Variants in B3GALNT1 observed in about 807,000 individuals in gnomAD.
B3GALNT1 encodes the protein UDP-GalNAc:beta-1,3-N-acetylgalactosaminyltransferase 1.
A neutral mutation model predicts 27.3 loss-of-function variants in B3GALNT1; 17 were observed. That is an observed-to-expected ratio of 0.62 (90% CI 0.43 to 0.94). The LOEUF (loss-of-function observed/expected upper bound fraction) is 0.94, where lower values mean the gene tolerates loss of function less well. Among genes scored for constraint, B3GALNT1 ranks in the 40% least tolerant of loss-of-function variants. The pLI, the probability that B3GALNT1 is intolerant of heterozygous loss-of-function variation, is 0.00. For synonymous variants in B3GALNT1, 141 were observed against 144.0 expected (o/e 0.98, Z 0.15); for missense variants, 347 against 390.0 (o/e 0.89, Z 0.93).
At position 161,086,483 on chromosome 3, in the gene B3GALNT1, A is replaced by C; in HGVS notation, c.272T>G (p.Val91Gly). 1 of 1,614,054 alleles carries C rather than the reference A, an allele frequency of 6.2e-7. No individual in the cohort carries two copies. The highest frequency in any genetic ancestry group is 8.5e-7 in the Non-Finnish European group (1 of 1,180,032). ...VILVTSHPSDVKARQAIRVTW... is the reference protein window; with the variant it reads ...VILVTSHPSDGKARQAIRVTW... Reference sequence around the variant, plus strand: ...AACTCTAATGGCCTGCCTGGCTTTCACATCTGAAGGGTGGGAGGTCACCAG... The same window carrying C: ...AACTCTAATGGCCTGCCTGGCTTTCCCATCTGAAGGGTGGGAGGTCACCAG... Residue 91 changes from valine (V) to glycine (G), a missense_variant, in exon 5 of 5, where the codon GTG (valine) becomes GGG (glycine). Coordinates refer to ENST00000320474, the MANE Select transcript of B3GALNT1 (RefSeq NM_003781.4).
Position 161,085,435 on chromosome 3 carries a change from C to T in B3GALNT1, c.*324G>A, listed in dbSNP as rs1489328068. On this transcript the variant is annotated 3_prime_UTR_variant, in exon 5 of 5. Transcript: ENST00000320474. ...AAAACTCTACATTGTTTTGTTTTTA[C>T]AGCCTAGTGAGCTTATAACTCAGTA... 3.4e-6 allele frequency: 1 copy of T among 291,186 alleles called. No individual in the cohort carries two copies. The allele number at this position is 291,186 out of a possible 1,614,324, so 18.0% of individuals were successfully genotyped here.
At chr3:161,103,331 G>T in intron 3 of B3GALNT1, 96 bp downstream of exon 3, 1 of 410,706 alleles carries the variant, frequency 2.4e-6, no homozygotes, top group Non-Finnish European at 4.2e-6. Flanking sequence ...AAACTTCGTG[G>T]CTGCATCAAC....
chr3:161,091,440 C>A (rs369002758), intron 4 of B3GALNT1, among the ~76,000 whole-genome samples: 1 of 152,074 alleles, frequency 6.6e-6, no homozygotes. Context: ...AGCTTTAAAT[C>A]GCGCACTGTT....
rs1358595911 is a variant in B3GALNT1 at position 161,101,148 on chromosome 3, C to CG, written c.-45dup. 3.1e-6 allele frequency: 4 copies of CG among 1,289,702 alleles called. No individual in the cohort carries two copies. The highest frequency in any genetic ancestry group is 4.0e-6 in the Non-Finnish European group (4 of 988,810). The allele number at this position is 1,289,702 out of a possible 1,614,324, so 79.9% of individuals were successfully genotyped here. On this transcript the variant is annotated 5_prime_UTR_variant, in exon 4 of 5. Transcript: ENST00000320474. Reference sequence around the variant, plus strand: ...GCAGAAGCAGACACACCTTTACACTCGGGGTGAGTAGTCGGAGAGCACCAC... The same window carrying CG: ...GCAGAAGCAGACACACCTTTACACTCGGGGGTGAGTAGTCGGAGAGCACCAC...
rs904947012 is a variant in B3GALNT1 at position 161,086,476 on chromosome 3, G to A, written c.279C>T (p.Ala93=). Residue 93 remains alanine (A), a synonymous_variant, in exon 5 of 5, where the codon GCC becomes GCT. Coordinates refer to ENST00000320474, the MANE Select transcript of B3GALNT1 (RefSeq NM_003781.4). ...LVTSHPSDVK[A]RQAIRVTWGE... The stretch of plus-strand genomic sequence containing the variant: ...CCCAAGTAACTCTAATGGCCTGCCT[G>A]GCTTTCACATCTGAAGGGTGGGAGG... 5 of 1,613,810 alleles carry A rather than the reference G, an allele frequency of 3.1e-6. No homozygotes were observed. Among genetic ancestry groups the A allele is most frequent in the Non-Finnish European group, 8.5e-7 (1 of 1,180,026 alleles).
intron 1 of B3GALNT1, chr3:161,104,633 C>T (rs554107732): frequency 4.3e-6 from 1 of 230,758 alleles, no homozygotes. Flanking sequence ...TAGCCCTAGC[C>T]CCGTGGGATT....
At chr3:161,088,128 T>C (rs896686347) in intron 4 of B3GALNT1, among the ~76,000 whole-genome samples, 4 of 152,146 alleles carry the variant, frequency 2.6e-5, no homozygotes, top group Non-Finnish European at 1.5e-5. Context: ...GGGTCAACTT[T>C]AGGGTCTCTG....
Position 161,101,220 on chromosome 3 carries a change from G to A in B3GALNT1, c.-116C>T. On this transcript the variant is annotated 5_prime_UTR_variant, in exon 4 of 5. Transcript: ENST00000320474. ...AGAGCCAACAGGTCAACCGGGTCCA[G>A]GGAGCTAAGAAAACTGGAGCAGAGC... The A allele has an allele frequency of 1.6e-6, 2 of 1,289,898 alleles. No homozygotes were observed. Among genetic ancestry groups the A allele is most frequent in the Non-Finnish European group, 2.0e-6 (2 of 988,866 alleles). The allele number at this position is 1,289,898 out of a possible 1,614,324, so 79.9% of individuals were successfully genotyped here.
chr3:161,095,092 A>C (rs1727419604), intron 4 of B3GALNT1, among the ~76,000 whole-genome samples: 1 of 152,086 alleles, frequency 6.6e-6, no homozygotes, highest in South Asian at 2.1e-4. Flanking sequence ...GCAGCCTCCC[A>C]AAGTGCTGGC....
In B3GALNT1 at chr3:161,085,996, G is replaced by A. The variant is rs199652282; in HGVS notation, c.759C>T (p.Ile253=). Residue 253 remains isoleucine, a synonymous_variant, in exon 5 of 5, where the codon ATC becomes ATT. Coordinates refer to ENST00000320474, the MANE Select transcript of B3GALNT1 (RefSeq NM_003781.4). ...GTTTTACGTGACCCATCATTTCATA[G>A]ATCCTTGGCACCAAATCTCTGGACA... ...YIMSRDLVPR[I]YEMMGHVKPI... The A allele has an allele frequency of 2.1e-5, 33 of 1,586,250 alleles. No homozygotes were observed. The Middle Eastern group carries it at 3.1e-3, about 147-fold the overall frequency.
chr3:161,090,768 A>C (rs1015353275), intron 4 of B3GALNT1, among the ~76,000 whole-genome samples: 1 of 152,152 alleles, frequency 6.6e-6, no homozygotes, highest in African/African-American at 2.4e-5. Context: ...CCATAAATTT[A>C]AAGAGAACAC....
At chr3:161,100,846 A>C (rs1730888561) in intron 4 of B3GALNT1, among the ~76,000 whole-genome samples, 1 of 151,916 alleles carries the variant, frequency 6.6e-6, no homozygotes, top group Non-Finnish European at 1.5e-5. Context: ...TTTTTTTTTA[A>C]AGGCATAGTG....
intron 4 of B3GALNT1, among the ~76,000 whole-genome samples, chr3:161,088,946 A>G (rs1231507764): frequency 6.6e-6 from 1 of 152,232 alleles, no homozygotes; most frequent in African/African-American, 2.4e-5. Flanking sequence ...TATGATGTCT[A>G]TCATTTATGG....
rs997499112 is a variant in B3GALNT1 at position 161,097,936 on chromosome 3, T to C, written c.-35+3203A>G. Among the ~76,000 whole-genome samples, 7 of 152,208 alleles carry C rather than the reference T, an allele frequency of 4.6e-5. No individual in the cohort carries two copies. The East Asian group carries it at 5.8e-4, about 13-fold the overall frequency. ...AAATTTTATTTACTGAATGAATGAA[T>C]AGCAATTGGTATATCTGCTTAATTT... On this transcript the variant is annotated intron_variant, in intron 4 of 4. Coordinates refer to ENST00000320474, the MANE Select transcript of B3GALNT1 (RefSeq NM_003781.4).
chr3:161,103,692 G>C (rs1732650728), intron 2 of B3GALNT1, among the ~76,000 whole-genome samples, 175 bp from the exon 3 acceptor site: 1 of 152,064 alleles, frequency 6.6e-6, no homozygotes, highest in Non-Finnish European at 1.5e-5. Flanking sequence ...ATCACCTCAT[G>C]CTCTAATCTG....
At chr3:161,092,658 A>G (rs895855631) in intron 4 of B3GALNT1, among the ~76,000 whole-genome samples, 1 of 152,156 alleles carries the variant, frequency 6.6e-6, no homozygotes, top group Non-Finnish European at 1.5e-5. Flanking sequence ...AGCATAATAA[A>G]AATGCTTTGG....
Position 161,084,025 on chromosome 3 carries a change from T to C in B3GALNT1, c.*1734A>G, listed in dbSNP as rs35233983. 205 of 152,326 alleles carry C rather than the reference T, an allele frequency of 1.3e-3. No individual in the cohort carries two copies. The highest frequency in any genetic ancestry group is 4.7e-3 in the African/African-American group (196 of 41,580). 9.4% of individuals were successfully genotyped at this position (152,326 alleles called of 1,614,324 possible). On this transcript the variant is annotated 3_prime_UTR_variant, in exon 5 of 5. Transcript: ENST00000320474. The stretch of plus-strand genomic sequence containing the variant: ...ACCAGCATCTCCACAGACACGTGAG[T>C]AATGCACTAGGCTATGACATTAAAA...
Position 161,084,417 on chromosome 3 carries a change from A to C in B3GALNT1, c.*1342T>G, listed in dbSNP as rs1214150630. On this transcript the variant is annotated 3_prime_UTR_variant, in exon 5 of 5. Coordinates refer to ENST00000320474, the MANE Select transcript of B3GALNT1 (RefSeq NM_003781.4). ...TATGAGTATTACAAGAGCTGACTAC[A>C]TACTTTCAAGTTTATATTTCCTGAC... 1.3e-5 allele frequency: 2 copies of C among 152,222 alleles called. No individual in the cohort carries two copies. Among genetic ancestry groups the C allele is most frequent in the African/African-American group, 4.8e-5 (2 of 41,456 alleles). The allele number at this position is 152,222 out of a possible 1,614,324, so 9.4% of individuals were successfully genotyped here. A position where few individuals can be genotyped will look rare whatever the true frequency, so the allele number is the denominator to read the frequency against.
chr3:161,102,093 C>T (rs1239216101), intron 3 of B3GALNT1, among the ~76,000 whole-genome samples: 1 of 152,120 alleles, frequency 6.6e-6, no homozygotes, highest in Non-Finnish European at 1.5e-5. Flanking sequence ...TAGTAAATAT[C>T]TTCTTTGAGG....
Sources: allele counts gnomAD v4.1 joint callset (sites outside exome capture counted in the v4.1 genomes callset), GRCh38; gene constraint gnomAD v4.1.1; transcripts MANE v1.5; gene names NCBI Gene and HGNC (gene_info 2026-07-23, HGNC 2026-07-21).